XAF1: variants seen among roughly 807,000 people sequenced by gnomAD.
XAF1 encodes the protein XIAP-associated factor 1.
A neutral mutation model predicts 32.3 loss-of-function variants in XAF1; 32 were observed. That is an observed-to-expected ratio of 0.99 (90% CI 0.75 to 1.33). The LOEUF (loss-of-function observed/expected upper bound fraction) is 1.33. Ranked by LOEUF, XAF1 falls within the 40% of genes most tolerant of loss-of-function variation. The pLI, the probability that XAF1 is intolerant of heterozygous loss-of-function variation, is 0.00. For missense variants in XAF1, 379 were observed against 366.0 expected (o/e 1.04, Z -0.29); for synonymous variants, 120 against 125.9 (o/e 0.95, Z 0.31).
intron 6 of XAF1, 56 bp from the exon 7 acceptor site, chr17:6,773,057 G>A: frequency 7.0e-7 from 1 of 1,438,174 alleles, no homozygotes; most frequent in Admixed American, 1.9e-5. Context: ...AGATATTCTA[G>A]GAGCTAGCAC....
intron 6 of XAF1, 145 bp from the exon 7 acceptor site, chr17:6,772,967 GC>G: frequency 3.1e-6 from 2 of 652,782 alleles, no homozygotes; most frequent in South Asian, 4.1e-5. Context: ...GGCTCAGTGG[GC>G]TCCTGACCTT....
At chr17:6,756,296 G>T in intron 1 of XAF1, 186 bp downstream of exon 1, 1 of 1,378,132 alleles carries the variant, frequency 7.3e-7, no homozygotes, top group Non-Finnish European at 9.5e-7. Context: ...GGTGGGGGTG[G>T]GCAGCATTAC....
rs1185822452 is a variant in XAF1, at chr17:6,770,740, A to T, written c.605A>T (p.Gln202Leu). The change falls in exon 6 of 7, where the codon CAA becomes CTA. Residue 202 changes from glutamine to leucine, a missense_variant. By Grantham distance (113) the Gln-to-Leu change is moderately radical. Transcript: ENST00000361842. ...SSLPSQAAEN[Q>L]TSTMEKDVRP... ...CTTCCAAGTCAAGCTGCTGAAAATCAAACTTCCACGATGGAGAAAGATGTT... is the reference window on the plus strand; with the variant it reads ...CTTCCAAGTCAAGCTGCTGAAAATCTAACTTCCACGATGGAGAAAGATGTT... 1 of 1,614,042 alleles carries T rather than the reference A, an allele frequency of 6.2e-7. No individual in the cohort carries two copies. The highest frequency in any genetic ancestry group is 8.5e-7 in the Non-Finnish European group (1 of 1,179,998).
In XAF1 at chr17:6,770,994, C is replaced by T. The variant is rs771540993; in HGVS notation, c.849+10C>T. On this transcript the variant is annotated intron_variant, in intron 6 of 6. Coordinates refer to ENST00000361842, the MANE Select transcript of XAF1 (RefSeq NM_017523.5). ...CCTAAATCAACATCAGGTACTCAGC[C>T]TCTGTTCTCTGCTTACCTTTCTGGG... 1.9e-6 allele frequency: 3 copies of T among 1,613,672 alleles called. No individual in the cohort carries two copies. The highest frequency in any genetic ancestry group is 2.2e-5 in the East Asian group (1 of 44,878).
Position 6,758,113 on chromosome 17 carries a change from C to T in XAF1, c.57C>T (p.Asn19=), listed in dbSNP as rs1247956041. The change falls in exon 2 of 7, where the codon AAC becomes AAT. Residue 19 remains asparagine, a synonymous_variant. Transcript: ENST00000361842. The stretch of plus-strand genomic sequence containing the variant: ...GTAAAAGACATGTAGTCTCTGCCAA[C>T]TTCACCCTCCATGAGGCTTACTGCC... The part of the protein sequence containing the change: ...RNCKRHVVSA[N]FTLHEAYCLR... 6.2e-7 allele frequency: 1 copy of T among 1,614,260 alleles called. No individual in the cohort carries two copies. The highest frequency in any genetic ancestry group is 8.5e-7 in the Non-Finnish European group (1 of 1,180,052).
At chr17:6,765,044 G>A (rs966527872) in intron 5 of XAF1, among the ~76,000 whole-genome samples, 1 of 152,132 alleles carries the variant, frequency 6.6e-6, no homozygotes, top group African/African-American at 2.4e-5. Context: ...GGGGGCCCCA[G>A]GGCTTAGTCT....
rs553529229 is a variant in XAF1, at chr17:6,758,327, C to T, written c.168+103C>T. On this transcript the variant is annotated intron_variant, in intron 2 of 6. Transcript: ENST00000361842. Reference sequence around the variant, plus strand: ...GAGAGTTGGGGGACGAGGGTCTAGTCCTCCCTGCAGGTGAGATGGGGTCTG... The same window carrying T: ...GAGAGTTGGGGGACGAGGGTCTAGTTCTCCCTGCAGGTGAGATGGGGTCTG... 44 of 1,509,264 alleles carry T rather than the reference C, an allele frequency of 2.9e-5. No homozygotes were observed. The South Asian group carries it at 5.1e-4, about 17-fold the overall frequency. The allele number at this position is 1,509,264 out of a possible 1,614,324, so 93.5% of individuals were successfully genotyped here.
At chr17:6,759,295 G>T (rs1372392068) in intron 2 of XAF1, 56 of 1,199,036 alleles carry the variant, frequency 4.7e-5, no homozygotes, top group Admixed American at 8.1e-5. Context: ...CTGGTTTCAG[G>T]AAAGACTGGC....
intron 3 of XAF1, 48 bp from the exon 4 acceptor site, chr17:6,760,358 A>AAG: frequency 6.7e-7 from 1 of 1,492,414 alleles, no homozygotes; most frequent in African/African-American, 1.4e-5. Flanking sequence ...AAAAAAAAAA[A>AAG]AAAAAAAAAA....
In XAF1 at chr17:6,775,154, C is replaced by T. The variant is rs528233589; in HGVS notation, c.*1985C>T. The T allele has an allele frequency of 2.6e-5, 4 of 152,132 alleles. No individual in the cohort carries two copies. The highest frequency in any genetic ancestry group is 9.7e-5 in the African/African-American group (4 of 41,416). 9.4% of individuals were successfully genotyped at this position (152,132 alleles called of 1,614,324 possible). A position where few individuals can be genotyped will look rare whatever the true frequency, so the allele number is the denominator to read the frequency against. Reference sequence around the variant, plus strand: ...CGTGGATGGAGCTGGAAGCCATTATCCTAAATGAACTCACTCAGAAACAGA... The same window carrying T: ...CGTGGATGGAGCTGGAAGCCATTATTCTAAATGAACTCACTCAGAAACAGA... On this transcript the variant is annotated 3_prime_UTR_variant, in exon 7 of 7. Coordinates refer to ENST00000361842, the MANE Select transcript of XAF1 (RefSeq NM_017523.5).
intron 5 of XAF1, among the ~76,000 whole-genome samples, chr17:6,766,317 C>T (rs1198634679): frequency 6.6e-6 from 1 of 152,150 alleles, no homozygotes; most frequent in Non-Finnish European, 1.5e-5. Context: ...CTCCCACGAC[C>T]TCAGAAAAAC....
At position 6,756,587 on chromosome 17, in the gene XAF1, G is replaced by C. The variant is rs1462981345; in HGVS notation, c.32+477G>C. 2.6e-5 allele frequency among the ~76,000 whole-genome samples: 4 copies of C among 152,154 alleles called. No individual in the cohort carries two copies. The East Asian group carries it at 7.8e-4, about 30-fold the overall frequency. ...GGACCACACCTCTAACGGGAGGGGG[G>C]GCGCGGAATCTGACCGATCAAAAAG... On this transcript the variant is annotated intron_variant, in intron 1 of 6. Coordinates refer to ENST00000361842, the MANE Select transcript of XAF1 (RefSeq NM_017523.5).
chr17:6,764,433 G>A (rs1337598850), intron 5 of XAF1, among the ~76,000 whole-genome samples: 2 of 152,158 alleles, frequency 1.3e-5, no homozygotes, highest in African/African-American at 4.8e-5. Flanking sequence ...CTGCAACAGA[G>A]AGAGGTTAAA....
upstream of XAF1, chr17:6,755,672 A>G: frequency 1.9e-6 from 2 of 1,039,522 alleles, no homozygotes; most frequent in South Asian, 3.6e-5. Flanking sequence ...TCTTTCCTGC[A>G]GGGGAGGACC....
intron 5 of XAF1, among the ~76,000 whole-genome samples, chr17:6,764,779 C>A (rs1267321487): frequency 2.6e-5 from 4 of 152,204 alleles, no homozygotes; most frequent in Non-Finnish European, 5.9e-5. Context: ...CTGCCTCCAT[C>A]TTTTCTTCTC....
chr17:6,760,692 C>G (rs1001290875), intron 4 of XAF1, 91 bp downstream of exon 4: 1 of 1,283,246 alleles, frequency 7.8e-7, no homozygotes, highest in Non-Finnish European at 1.1e-6. Flanking sequence ...CTCAACAGGA[C>G]GGATGACAAG....
upstream of XAF1, chr17:6,756,009 G>T (rs114050758): frequency 9.0e-4 from 1,449 of 1,612,190 alleles, 15 homozygotes; most frequent in African/African-American, 0.014. Context: ...TGGGCCATCG[G>T]AAAACTTTCA....
chr17:6,771,109 C>T (rs2151560853), intron 6 of XAF1, 125 bp downstream of exon 6: 1 of 1,017,000 alleles, frequency 9.8e-7, no homozygotes, highest in Non-Finnish European at 1.4e-6. Context: ...CTGACTCCCA[C>T]TTCTCTGGGT....
At chr17:6,769,460 T>G (rs1240919889) in intron 5 of XAF1, among the ~76,000 whole-genome samples, 1 of 152,234 alleles carries the variant, frequency 6.6e-6, no homozygotes, top group Non-Finnish European at 1.5e-5. Flanking sequence ...CCTGTTCTGT[T>G]TTTCATGAGA....
Sources: allele counts gnomAD v4.1 joint callset (sites outside exome capture counted in the v4.1 genomes callset), GRCh38; gene constraint gnomAD v4.1.1; transcripts MANE v1.5; gene names NCBI Gene and HGNC (gene_info 2026-07-23, HGNC 2026-07-21).